The following SHMT1 variants were observed in gnomAD, a reference collection of about 807,000 sequenced individuals.
The protein encoded by SHMT1 is serine hydroxymethyltransferase 1, also known as serine hydroxymethyltransferase, cytosolic.
SHMT1 carries 45 observed loss-of-function variants against 49.0 expected under a neutral mutation model. That is an observed-to-expected ratio of 0.92 (90% CI 0.72 to 1.18). SHMT1 has a LOEUF of 1.18. SHMT1 is among the 50% of genes most tolerant of loss of function. The pLI is 0.00. For synonymous variants in SHMT1, 232 were observed against 246.6 expected (o/e 0.94, Z 0.55); for missense variants, 541 against 612.4 (o/e 0.88, Z 1.23).
intron 7 of SHMT1, among the ~76,000 whole-genome samples, chr17:18,339,700 A>C (rs1598030820): frequency 6.6e-6 from 1 of 152,194 alleles, no homozygotes; most frequent in South Asian, 2.1e-4. Flanking sequence ...AGCTGGGACT[A>C]CAGGTGCCCA....
intron 3 of SHMT1, 21 bp downstream of exon 3, chr17:18,353,651 C>T: frequency 3.7e-6 from 6 of 1,613,456 alleles, no homozygotes; most frequent in Non-Finnish European, 5.1e-6. Flanking sequence ...CAGAACCAGG[C>T]CTTTGAAGAT....
chr17:18,351,285 C>A (rs867101623), intron 3 of SHMT1, among the ~76,000 whole-genome samples: 2 of 151,924 alleles, frequency 1.3e-5, no homozygotes. Flanking sequence ...GGACTACAGG[C>A]GCCAGCCACC....
rs939914814 is a variant in SHMT1 at position 18,340,847 on chromosome 17, T to C, written c.520-34A>G. ...TGTCAGGGAGGCAGGTTCAGGCTGC[T>C]TCCTCCAACCACACCTGCCTCCTGT... On this transcript the variant is annotated intron_variant, in intron 5 of 11. Transcript: ENST00000316694. The surrounding 1 kb of genome is among the most constrained non-coding windows in gnomAD (Gnocchi z 4.5). 6.6e-7 allele frequency: 1 copy of C among 1,525,544 alleles called. No homozygotes were observed. The highest frequency in any genetic ancestry group is 1.7e-5 in the Admixed American group (1 of 57,668). 94.5% of individuals were successfully genotyped at this position (1,525,544 alleles called of 1,614,324 possible).
chr17:18,329,005 T>A, intron 11 of SHMT1, 86 bp from the exon 12 acceptor site: 1 of 1,543,550 alleles, frequency 6.5e-7, no homozygotes, highest in Non-Finnish European at 8.9e-7. Context: ...AATGTCAGAA[T>A]GTCCCCCAGC....
intron 1 of SHMT1, among the ~76,000 whole-genome samples, chr17:18,361,697 A>G (rs1240108324): frequency 2.0e-5 from 3 of 151,762 alleles, no homozygotes; most frequent in Non-Finnish European, 4.4e-5. Context: ...GAGGCAGGAG[A>G]ATGGCGTGAA....
At chr17:18,362,293 ATTTCTTTTCTTTTT>A (rs1567800385) in intron 1 of SHMT1, among the ~76,000 whole-genome samples, 1 of 151,900 alleles carries the variant, frequency 6.6e-6, no homozygotes, top group East Asian at 1.9e-4. Flanking sequence ...AATTTACGTT[ATTTCTTTTCTTTTT>A]TTTCTTTTCT....
chr17:18,328,671 C>A lies in SHMT1; in HGVS notation c.*79G>T. ...TCAACAGTTCCCCTTTGGAGCAGCT[C>A]ATCCATCTCTCAGGTGGGGGTCCTC... On this transcript the variant is annotated 3_prime_UTR_variant, in exon 12 of 12. Transcript: ENST00000316694. 1 of 1,474,602 alleles carries A rather than the reference C, an allele frequency of 6.8e-7. No homozygotes were observed. The highest frequency in any genetic ancestry group is 9.2e-7 in the Non-Finnish European group (1 of 1,084,886). 91.3% of individuals were successfully genotyped at this position (1,474,602 alleles called of 1,614,324 possible). A position where few individuals can be genotyped will look rare whatever the true frequency, so the allele number is the denominator to read the frequency against.
chr17:18,350,611 T>A (rs917617148), intron 3 of SHMT1, among the ~76,000 whole-genome samples: 3 of 151,954 alleles, frequency 2.0e-5, no homozygotes, highest in African/African-American at 7.2e-5. Context: ...CACTCCAGCC[T>A]GGGCAAGACA....
intron 10 of SHMT1, 81 bp downstream of exon 10, chr17:18,330,474 A>C: frequency 9.8e-7 from 1 of 1,025,140 alleles, no homozygotes; most frequent in Non-Finnish European, 1.6e-6. Flanking sequence ...CCCCGGAGCC[A>C]ATATATTCAT....
intron 9 of SHMT1, 130 bp downstream of exon 9, chr17:18,333,036 C>T (rs748622089): frequency 3.3e-6 from 4 of 1,222,202 alleles, no homozygotes; most frequent in African/African-American, 1.5e-5. Context: ...AGGCTGACCT[C>T]CTCCCAAGGT....
At chr17:18,363,105 T>TC (rs1986921836) in intron 1 of SHMT1, 2 of 152,160 alleles carry the variant, frequency 1.3e-5, no homozygotes, top group Non-Finnish European at 1.5e-5. Flanking sequence ...ACTACTCACA[T>TC]CCCCGATAAG....
intron 3 of SHMT1, among the ~76,000 whole-genome samples, chr17:18,350,255 C>T (rs1012821627): frequency 8.6e-5 from 13 of 151,580 alleles, no homozygotes; most frequent in Non-Finnish European, 1.8e-4. Context: ...GGCGTGAACC[C>T]GGGAGGTGGA....
chr17:18,340,958 G>A lies in SHMT1; in HGVS notation c.520-145C>T. The A allele has an allele frequency of 1.4e-6, 1 of 696,686 alleles. No homozygotes were observed. The highest frequency in any genetic ancestry group is 2.6e-6 in the Non-Finnish European group (1 of 385,202). The allele number at this position is 696,686 out of a possible 1,614,324, so 43.2% of individuals were successfully genotyped here. On this transcript the variant is annotated intron_variant, in intron 5 of 11. Coordinates refer to ENST00000316694, the MANE Select transcript of SHMT1 (RefSeq NM_004169.5). The surrounding 1 kb of genome is among the most constrained non-coding windows in gnomAD (Gnocchi z 4.5). ...TTGAGGGTGAGACAGGATGGATACTGGTGTGTTCAGCCTGCTCAACCAAGT... is the reference window on the plus strand; with the variant it reads ...TTGAGGGTGAGACAGGATGGATACTAGTGTGTTCAGCCTGCTCAACCAAGT...
chr17:18,356,749 T>C (rs1347313871), intron 1 of SHMT1, among the ~76,000 whole-genome samples: 1 of 152,138 alleles, frequency 6.6e-6, no homozygotes, highest in Non-Finnish European at 1.5e-5. Context: ...CATGTTCTAT[T>C]GCAAAACCAC....
intron 3 of SHMT1, among the ~76,000 whole-genome samples, chr17:18,350,952 C>G (rs889989079): frequency 1.3e-5 from 2 of 151,932 alleles, no homozygotes; most frequent in African/African-American, 4.8e-5. Context: ...AGGCTGGTCT[C>G]AAACTCCTGA....
In SHMT1 at chr17:18,328,887, T is replaced by G. The variant is rs777687309; in HGVS notation, c.1315A>C (p.Thr439Pro). ...IELTLQIQSD[T>P]GVRATLKEFK... is the part of the protein sequence containing the mutation. ...TCTTTCAGGGTGGCTCTGACACCAG[T>G]GTCGCTCTGGATCTGCAGGGTCAGC... The change falls in exon 12 of 12, where the codon ACT becomes CCT. Residue 439 changes from threonine (T) to proline (P), a missense_variant. Thr to Pro is a conservative substitution (Grantham distance 38). Transcript: ENST00000316694. 1 of 1,613,972 alleles carries G rather than the reference T, an allele frequency of 6.2e-7. No homozygotes were observed. The highest frequency in any genetic ancestry group is 2.2e-5 in the East Asian group (1 of 44,884).
chr17:18,333,342 G>T (rs1013362726), intron 8 of SHMT1, 54 bp from the exon 9 acceptor site: 10 of 1,584,126 alleles, frequency 6.3e-6, no homozygotes, highest in African/African-American at 2.7e-5. Context: ...ATACACAGAT[G>T]ATGAGTCAAA....
intron 7 of SHMT1, among the ~76,000 whole-genome samples, chr17:18,337,207 A>G (rs1269166810): frequency 6.6e-6 from 1 of 152,182 alleles, no homozygotes; most frequent in East Asian, 1.9e-4. Flanking sequence ...GAGGTGAGGA[A>G]ATGAGGAACA....
intron 5 of SHMT1, chr17:18,341,243 G>T (rs1386435039): frequency 4.2e-6 from 1 of 240,574 alleles, no homozygotes; most frequent in Non-Finnish European, 8.3e-6. Flanking sequence ...TTTAAAAACT[G>T]ACATTACACA....
Sources: gnomAD v4.1 joint callset for allele counts (sites outside exome capture counted in the v4.1 genomes callset) on GRCh38, gnomAD v4.1.1 for gene constraint, Gnocchi (gnomAD v3.1) non-coding constraint, MANE v1.5 for transcripts, NCBI Gene and HGNC (gene_info 2026-07-23, HGNC 2026-07-21) for gene names.